Variants in SYN3 observed in about 807,000 individuals in gnomAD.
The protein encoded by SYN3 is synapsin III, also known as synapsin-3.
In SYN3, 35 loss-of-function variants were observed where a neutral mutation model predicts 65.8. The ratio of observed to expected loss-of-function variants is 0.53; its 90% CI spans 0.41 to 0.70. The LOEUF (loss-of-function observed/expected upper bound fraction) is 0.70. SYN3 is among the 30% of genes least tolerant of loss of function. SYN3 has a pLI of 0.00. For missense variants in SYN3, 680 were observed against 749.0 expected (o/e 0.91, Z 1.08); for synonymous variants, 270 against 292.9 (o/e 0.92, Z 0.80).
intron 3 of SYN3, among the ~76,000 whole-genome samples, chr22:32,966,955 A>C (rs1037028905): frequency 5.9e-5 from 9 of 152,146 alleles, no homozygotes; most frequent in Admixed American, 2.0e-4. Flanking sequence ...ATAAACACAG[A>C]TTCTTCAGTT....
At chr22:32,838,651 C>G (rs572098951) in intron 6 of SYN3, among the ~76,000 whole-genome samples, 2 of 152,030 alleles carry the variant, frequency 1.3e-5, no homozygotes, top group Non-Finnish European at 2.9e-5. Flanking sequence ...TGTCGGTATT[C>G]GGCCTCTCCA....
intron 7 of SYN3, among the ~76,000 whole-genome samples, chr22:32,569,561 C>CTGTATATATATATATATA (rs1458371419): frequency 1.9e-5 from 1 of 51,736 alleles, no homozygotes. Flanking sequence ...CTCTCTCTCT[C>CTGTATATATATATATATA]TCTCTCTCTC....
rs1430410901 is a variant in SYN3 at position 32,807,347 on chromosome 22, AAATATAT to A, written c.711+57561_711+57567del. Among the ~76,000 whole-genome samples, 12 of 34,124 alleles carry A rather than the reference AAATATAT, an allele frequency of 3.5e-4. No individual in the cohort carries two copies. The East Asian group carries it at 7.0e-3, about 20-fold the overall frequency. 22.4% of individuals were successfully genotyped at this position (34,124 alleles called of 152,430 possible). A position where few individuals can be genotyped will look rare whatever the true frequency, so the allele number is the denominator to read the frequency against. On this transcript the variant is annotated intron_variant, in intron 6 of 13. Coordinates refer to ENST00000358763, the MANE Select transcript of SYN3 (RefSeq NM_003490.4). Reference sequence around the variant, plus strand: ...AATATATAATTTATATATAATATATAAATATATAATATATAATATATATTATATATAA... The same window carrying A: ...AATATATAATTTATATATAATATATAAATATATAATATATATTATATATAA...
chr22:32,898,516 C>T (rs2049663554), intron 4 of SYN3, among the ~76,000 whole-genome samples: 1 of 152,150 alleles, frequency 6.6e-6, no homozygotes, highest in Non-Finnish European at 1.5e-5. Flanking sequence ...GGCACTGTGC[C>T]CATTTACTTC....
At chr22:32,900,571 C>G (rs2049729861) in intron 4 of SYN3, among the ~76,000 whole-genome samples, 1 of 152,160 alleles carries the variant, frequency 6.6e-6, no homozygotes, top group African/African-American at 2.4e-5. Context: ...GACCAACTAG[C>G]CTTTTGCATA....
At position 32,668,976 on chromosome 22, in the gene SYN3, T is replaced by G. The variant is rs2060327044; in HGVS notation, c.712-72240A>C. Among the ~76,000 whole-genome samples the G allele has an allele frequency of 2.0e-5, 3 of 152,318 alleles. No homozygotes were observed. The South Asian group carries it at 6.2e-4, about 32-fold the overall frequency. ...CAGGGCCCTGGAACAAAGGAGACAT[T>G]GAATAAAAACAGTTGACATTTATTA... On this transcript the variant is annotated intron_variant, in intron 6 of 13. Transcript: ENST00000358763.
In SYN3 at chr22:33,046,461, T is replaced by A. The variant is rs1275365143; in HGVS notation, c.-163+11831A>T. 2.6e-5 allele frequency among the ~76,000 whole-genome samples: 4 copies of A among 152,186 alleles called. No individual in the cohort carries two copies. The East Asian group carries it at 5.8e-4, about 22-fold the overall frequency. ...CTGGCTGTGTGCAGTGGCTCACACC[T>A]GTAATCCCAGCACTTTGGGAGGCCG... On this transcript the variant is annotated intron_variant, in intron 1 of 13. Transcript: ENST00000358763.
In SYN3 at chr22:33,006,404, T is replaced by G; in HGVS notation, c.259A>C (p.Ile87Leu). 6.2e-7 allele frequency: 1 copy of G among 1,613,960 alleles called. No homozygotes were observed. Among genetic ancestry groups the G allele is most frequent in the Non-Finnish European group, 8.5e-7 (1 of 1,179,960 alleles). Residue 87 changes from isoleucine (I) to leucine (L), a missense_variant, in exon 2 of 14, where the codon ATT becomes CTT. Coordinates refer to ENST00000358763, the MANE Select transcript of SYN3 (RefSeq NM_003490.4). ...AACAGGATCCTGGGTCTTTGAACAATGGGCGTGGAGGGACCTGGAGGCTCC... is the reference window on the plus strand; with the variant it reads ...AACAGGATCCTGGGTCTTTGAACAAGGGGCGTGGAGGGACCTGGAGGCTCC... ...LMEPPGPSTP[I>L]VQRPRILLVI...
chr22:32,521,599 A>C (rs1215860319), intron 12 of SYN3, among the ~76,000 whole-genome samples: 2 of 152,012 alleles, frequency 1.3e-5, no homozygotes, highest in Non-Finnish European at 2.9e-5. Context: ...GGCGTCCGCC[A>C]CCACGCCCAG....
intron 3 of SYN3, among the ~76,000 whole-genome samples, chr22:32,974,958 C>A (rs1408846986): frequency 6.6e-6 from 1 of 152,134 alleles, no homozygotes; most frequent in Non-Finnish European, 1.5e-5. Flanking sequence ...GAGATTTCAT[C>A]TTCAGTCTAT....
Position 32,991,338 on chromosome 22 carries a change from A to AAATAATAATAATAATAATAAT in SYN3, c.312-10657_312-10637dup, listed in dbSNP as rs60884096. 4.2e-3 allele frequency among the ~76,000 whole-genome samples: 603 copies of AAATAATAATAATAATAATAAT among 142,594 alleles called. 4 individuals carry two copies. Among genetic ancestry groups the AAATAATAATAATAATAATAAT allele is most frequent in the South Asian group, 6.1e-3 (27 of 4,462 alleles). The allele number at this position is 142,594 out of a possible 152,430, so 93.5% of individuals were successfully genotyped here. ...GGGTAACAGAGTGAGACTCCATCTC[A>AAATAATAATAATAATAATAAT]AATAATAATAATAATAATAATAATA... On this transcript the variant is annotated intron_variant, in intron 2 of 13. Transcript: ENST00000358763.
chr22:33,015,258 C>G lies in SYN3; in HGVS notation c.-162-8434G>C, dbSNP rs188849296. ...AAAAAAAAAACTACTGTATCTTGGA[C>G]GAGACTATCCAAAAGGAGCAGACTA... is the stretch of plus-strand genomic sequence containing the variant. On this transcript the variant is annotated intron_variant, in intron 1 of 13. Transcript: ENST00000358763. 1,561 of 409,372 alleles carry G rather than the reference C, an allele frequency of 3.8e-3. 25 individuals carry two copies. Among genetic ancestry groups the G allele is most frequent in the African/African-American group, 0.032 (1,433 of 44,128 alleles). 25.4% of individuals were successfully genotyped at this position (409,372 alleles called of 1,614,324 possible).
intron 6 of SYN3, among the ~76,000 whole-genome samples, chr22:32,667,497 A>G (rs1020076308): frequency 6.6e-5 from 10 of 152,190 alleles, no homozygotes; most frequent in African/African-American, 1.2e-4. Context: ...AAAGTATTGC[A>G]AAGTCTTGGC....
chr22:32,763,442 C>G (rs149914779), intron 6 of SYN3, among the ~76,000 whole-genome samples: 2 of 152,188 alleles, frequency 1.3e-5, no homozygotes, highest in African/African-American at 4.8e-5. Context: ...TGAGCCACCA[C>G]GCCTGGCCAA....
intron 6 of SYN3, among the ~76,000 whole-genome samples, chr22:32,688,778 T>A (rs1337749982): frequency 1.3e-5 from 2 of 152,098 alleles, no homozygotes; most frequent in Non-Finnish European, 2.9e-5. Context: ...GGAAGCCTCC[T>A]TTTGCCTCCC....
At chr22:32,945,943 G>A (rs2051095247) in intron 3 of SYN3, among the ~76,000 whole-genome samples, 1 of 152,220 alleles carries the variant, frequency 6.6e-6, no homozygotes, top group Non-Finnish European at 1.5e-5. Flanking sequence ...ATGAAAAAAT[G>A]CTCACCATCA....
intron 3 of SYN3, among the ~76,000 whole-genome samples, chr22:32,946,699 C>A (rs930833165): frequency 6.6e-6 from 1 of 151,926 alleles, no homozygotes; most frequent in Admixed American, 6.6e-5. Flanking sequence ...ATAAAAAAAA[C>A]TTTTTTCCCT....
intron 2 of SYN3, among the ~76,000 whole-genome samples, chr22:33,005,025 G>T (rs780658934): frequency 9.9e-5 from 15 of 152,010 alleles, no homozygotes; most frequent in Non-Finnish European, 1.8e-4. Flanking sequence ...TTTTATAAGG[G>T]GCTTCCCCCT....
intron 6 of SYN3, among the ~76,000 whole-genome samples, chr22:32,771,758 G>A (rs1350095281): frequency 6.6e-6 from 1 of 152,150 alleles, no homozygotes; most frequent in Non-Finnish European, 1.5e-5. Context: ...ACTGCACATG[G>A]AGATTACCCG....
Sources: allele counts gnomAD v4.1 joint callset (sites outside exome capture counted in the v4.1 genomes callset), GRCh38; gene constraint gnomAD v4.1.1; transcripts MANE v1.5; gene names NCBI Gene and HGNC (gene_info 2026-07-23, HGNC 2026-07-21).